The following ALDH8A1 variants were observed in gnomAD, a reference collection of about 807,000 sequenced individuals.
ALDH8A1 encodes 2-aminomuconic semialdehyde dehydrogenase.
ALDH8A1 carries 39 observed loss-of-function variants against 43.3 expected under a neutral mutation model. The ratio of observed to expected loss-of-function variants is 0.90; its 90% confidence interval spans 0.70 to 1.18. The LOEUF (loss-of-function observed/expected upper bound fraction) is 1.18, where lower values mean the gene tolerates loss of function less well. Ranked by LOEUF, ALDH8A1 falls within the 50% of genes most tolerant of loss-of-function variation. The pLI, the probability that ALDH8A1 is intolerant of heterozygous loss-of-function variation, is 0.00. For synonymous variants in ALDH8A1, 233 were observed against 243.5 expected (o/e 0.96, Z 0.40); for missense variants, 605 against 622.6 (o/e 0.97, Z 0.30).
chr6:134,932,741 A>C (rs1161558012), intron 5 of ALDH8A1, 35 bp downstream of exon 5: 1 of 1,604,960 alleles, frequency 6.2e-7, no homozygotes, highest in African/African-American at 1.3e-5. Flanking sequence ...TGACAGGGCC[A>C]TGGAGGGGAG....
At chr6:134,943,128 AC>A (rs1773887462) in intron 2 of ALDH8A1, among the ~76,000 whole-genome samples, 1 of 152,176 alleles carries the variant, frequency 6.6e-6, no homozygotes, top group Admixed American at 6.5e-5. Flanking sequence ...ACAGAAGCTT[AC>A]CTAGACTGCT....
At chr6:134,941,980 G>A (rs977027466) in intron 3 of ALDH8A1, among the ~76,000 whole-genome samples, 10 of 152,034 alleles carry the variant, frequency 6.6e-5, no homozygotes, top group Non-Finnish European at 1.0e-4. Flanking sequence ...AGCACTTGGG[G>A]AGGCCGAGGC....
Position 134,939,416 on chromosome 6 carries a change from C to A in ALDH8A1, c.443-1G>T. ...AAATTCCAGGGGCTGATCAGACCAG[C>A]TAAGGGATGAGAGCAGAAGCACTGC... On this transcript the variant is annotated splice_acceptor_variant, in intron 3 of 6. Coordinates refer to ENST00000265605, the MANE Select transcript of ALDH8A1 (RefSeq NM_022568.4). LOFTEE classifies it high-confidence loss of function. 6.2e-7 allele frequency: 1 copy of A among 1,613,640 alleles called. No homozygotes were observed. Among genetic ancestry groups the A allele is most frequent in the East Asian group, 2.2e-5 (1 of 44,884 alleles).
chr6:134,926,618 G>T (rs1776887839), intron 6 of ALDH8A1, among the ~76,000 whole-genome samples: 1 of 151,122 alleles, frequency 6.6e-6, no homozygotes, highest in South Asian at 2.2e-4. Context: ...AGATCACCCT[G>T]GCCAACATGG....
At chr6:134,949,671 A>C (rs1214452045) in intron 1 of ALDH8A1, among the ~76,000 whole-genome samples, 4 of 152,158 alleles carry the variant, frequency 2.6e-5, no homozygotes, top group Admixed American at 6.5e-5. Flanking sequence ...GCAAAAAAAA[A>C]CTGCACACAG....
intron 2 of ALDH8A1, 97 bp downstream of exon 2, chr6:134,943,722 A>C: frequency 6.7e-7 from 1 of 1,496,668 alleles, no homozygotes; most frequent in Admixed American, 2.0e-5. Context: ...TTGCCAGAGG[A>C]GCAGGCACAT....
chr6:134,922,185 T>A (rs1039461881), intron 6 of ALDH8A1, among the ~76,000 whole-genome samples: 4 of 152,070 alleles, frequency 2.6e-5, no homozygotes, highest in Admixed American at 1.3e-4. Flanking sequence ...AGAGGAGGCA[T>A]TGTGGGCAGA....
chr6:134,933,051 C>T lies in ALDH8A1; in HGVS notation c.593-19G>A, dbSNP rs775724822. 1 of 1,526,068 alleles carries T rather than the reference C, an allele frequency of 6.6e-7. No homozygotes were observed. Among genetic ancestry groups the T allele is most frequent in the Non-Finnish European group, 8.7e-7 (1 of 1,143,118 alleles). 94.5% of individuals were successfully genotyped at this position (1,526,068 alleles called of 1,614,324 possible). On this transcript the variant is annotated intron_variant, in intron 4 of 6. Transcript: ENST00000265605. ...GGAACACCTGGATAGGAAACAGTAT[C>T]AGTTATAGTAATTCTCAGTATGTTG...
chr6:134,933,033 C>G lies in ALDH8A1; in HGVS notation c.593-1G>C. On this transcript the variant is annotated splice_acceptor_variant, in intron 4 of 6. Coordinates refer to ENST00000265605, the MANE Select transcript of ALDH8A1 (RefSeq NM_022568.4). LOFTEE classifies it high-confidence loss of function. The stretch of plus-strand genomic sequence containing the variant: ...ATATTGACCACACCTGGTGGAACAC[C>G]TGGATAGGAAACAGTATCAGTTATA... 6.4e-7 allele frequency: 1 copy of G among 1,556,158 alleles called. No individual in the cohort carries two copies.
chr6:134,921,864 G>A (rs545472145), intron 6 of ALDH8A1, among the ~76,000 whole-genome samples: 1 of 152,316 alleles, frequency 6.6e-6, no homozygotes, highest in African/African-American at 2.4e-5. Context: ...AGCCCAGATG[G>A]TTTGGCACAC....
chr6:134,949,919 G>A lies in ALDH8A1; in HGVS notation c.135C>T (p.Asp45=), dbSNP rs145672057. ...TTCTTTAAGTGCATATACTCACCTCGTCTTTTCCACTATTTGGCACTCTGC... is the reference window on the plus strand; with the variant it reads ...TTCTTTAAGTGCATATACTCACCTCATCTTTTCCACTATTTGGCACTCTGC... The part of the protein sequence containing the change: ...VYCRVPNSGK[D]EIEAAVKAAR... Residue 45 remains aspartate (D), a synonymous_variant, in exon 1 of 7, where the codon GAC becomes GAT. Coordinates refer to ENST00000265605, the MANE Select transcript of ALDH8A1 (RefSeq NM_022568.4). 5.7e-5 allele frequency: 90 copies of A among 1,589,276 alleles called. No homozygotes were observed. In the Middle Eastern group the frequency reaches 6.7e-4, roughly 12 times the overall value.
chr6:134,939,214 T>C, intron 4 of ALDH8A1, 52 bp downstream of exon 4: 3 of 1,601,578 alleles, frequency 1.9e-6, no homozygotes, highest in South Asian at 1.1e-5. Context: ...TTCTATAAAC[T>C]ATAGGTTTGC....
chr6:134,932,693 G>C, intron 5 of ALDH8A1, 83 bp downstream of exon 5: 3 of 1,541,042 alleles, frequency 1.9e-6, no homozygotes. Flanking sequence ...TGACTGGCTT[G>C]CTCCCAGGCA....
chr6:134,942,771 G>T (rs1470087618), intron 2 of ALDH8A1, among the ~76,000 whole-genome samples: 2 of 152,106 alleles, frequency 1.3e-5, no homozygotes. Flanking sequence ...TGAGGTGGGG[G>T]GTTAAAATTG....
chr6:134,921,998 G>A (rs1321064135), intron 6 of ALDH8A1, among the ~76,000 whole-genome samples: 1 of 152,250 alleles, frequency 6.6e-6, no homozygotes, highest in African/African-American at 2.4e-5. Flanking sequence ...AAAGCCTCAT[G>A]AGGAGTCCAG....
rs577574653 is a variant in ALDH8A1, at chr6:134,917,588, T to C, written c.*827A>G. On this transcript the variant is annotated 3_prime_UTR_variant, in exon 7 of 7. Coordinates refer to ENST00000265605, the MANE Select transcript of ALDH8A1 (RefSeq NM_022568.4). The stretch of plus-strand genomic sequence containing the variant: ...TTTTCTTCATCCTTGTACAGATACA[T>C]TTAGTAGAGCTTACCACATAGCCTT... 4 of 152,286 alleles carry C rather than the reference T, an allele frequency of 2.6e-5. No individual in the cohort carries two copies. The South Asian group carries it at 8.3e-4, about 32-fold the overall frequency. The allele number at this position is 152,286 out of a possible 1,614,324, so 9.4% of individuals were successfully genotyped here. A position where few individuals can be genotyped will look rare whatever the true frequency, so the allele number is the denominator to read the frequency against.
At position 134,950,023 on chromosome 6, in the gene ALDH8A1, C is replaced by T; in HGVS notation, c.31G>A (p.Glu11Lys). MAGTNALLML[E>K]NFIDGKFLPC... ...AAAAATTTTCCATCTATGAAGTTTT[C>T]CAGCATCAAAAGTGCGTTTGTTCCA... Residue 11 changes from glutamate (E) to lysine (K), a missense_variant, in exon 1 of 7, where the codon GAA becomes AAA. By Grantham distance (56) the Glu-to-Lys change is moderately conservative. Transcript: ENST00000265605. 1 of 1,612,750 alleles carries T rather than the reference C, an allele frequency of 6.2e-7. No individual in the cohort carries two copies.
rs9494119 is a variant in ALDH8A1 at position 134,918,225 on chromosome 6, G to A, written c.*190C>T. 0.017 allele frequency: 10,269 copies of A among 590,718 alleles called. 786 individuals are homozygous for A. Among genetic ancestry groups the A allele is most frequent in the African/African-American group, 0.16 (8,826 of 53,768 alleles). 36.6% of individuals were successfully genotyped at this position (590,718 alleles called of 1,614,324 possible). A position where few individuals can be genotyped will look rare whatever the true frequency, so the allele number is the denominator to read the frequency against. On this transcript the variant is annotated 3_prime_UTR_variant, in exon 7 of 7. Transcript: ENST00000265605. ...CCTACTTATAAGTCTTTTTTTCCGAGTCCACATTGAAAATAGACAGTATCT... is the reference window on the plus strand; with the variant it reads ...CCTACTTATAAGTCTTTTTTTCCGAATCCACATTGAAAATAGACAGTATCT...
chr6:134,930,702 G>A (rs888255965), intron 5 of ALDH8A1, among the ~76,000 whole-genome samples: 50 of 152,182 alleles, frequency 3.3e-4, no homozygotes, highest in African/African-American at 1.1e-3. Context: ...TTGCGCAAGC[G>A]CCCTGTGACA....
Sources: gnomAD v4.1 joint callset for allele counts (sites outside exome capture counted in the v4.1 genomes callset) on GRCh38, gnomAD v4.1.1 for gene constraint, MANE v1.5 for transcripts, NCBI Gene and HGNC (gene_info 2026-07-23, HGNC 2026-07-21) for gene names.